Variants in GPR39 observed in about 807,000 individuals in gnomAD.
GPR39 encodes the protein zinc sensing receptor.
A neutral mutation model predicts 18.4 loss-of-function variants in GPR39; 23 were observed. That is an observed-to-expected ratio of 1.25 (90% CI 0.90 to 1.77). The LOEUF (loss-of-function observed/expected upper bound fraction) is 1.77. Ranked by LOEUF, GPR39 falls within the 40% of genes most tolerant of loss-of-function variation. The pLI, the probability that GPR39 is intolerant of heterozygous loss-of-function variation, is 0.00. For synonymous variants in GPR39, 280 were observed against 257.9 expected, an observed-to-expected ratio of 1.09 and a Z score of -0.82; for missense variants, 647 against 602.4, an observed-to-expected ratio of 1.07 and a Z score of -0.78.
intron 1 of GPR39, among the ~76,000 whole-genome samples, chr2:132,523,156 C>G (rs1463836775): frequency 1.3e-5 from 2 of 152,162 alleles, no homozygotes; most frequent in African/African-American, 4.8e-5. Context: ...ATTTCACAAA[C>G]CAGACATTAC....
At chr2:132,488,379 C>G (rs1224369095) in intron 1 of GPR39, among the ~76,000 whole-genome samples, 2 of 152,094 alleles carry the variant, frequency 1.3e-5, no homozygotes, top group African/African-American at 4.8e-5. Flanking sequence ...AAAAAAAAAC[C>G]CTTGCTGCAT....
intron 1 of GPR39, among the ~76,000 whole-genome samples, chr2:132,642,306 A>G (rs1050090068): frequency 3.9e-5 from 6 of 152,136 alleles, no homozygotes; most frequent in African/African-American, 1.4e-4. Flanking sequence ...TTGCCTCATC[A>G]TTGTGACTCT....
intron 1 of GPR39, among the ~76,000 whole-genome samples, chr2:132,594,519 A>T (rs1026153900): frequency 2.0e-5 from 3 of 152,028 alleles, no homozygotes; most frequent in Non-Finnish European, 2.9e-5. Context: ...GACACATAGT[A>T]AATGTTCACT....
At chr2:132,572,842 G>C (rs1680464561) in intron 1 of GPR39, among the ~76,000 whole-genome samples, 1 of 152,164 alleles carries the variant, frequency 6.6e-6, no homozygotes, top group Non-Finnish European at 1.5e-5. Context: ...GTCTTTCTTG[G>C]ACCATTTTAT....
chr2:132,611,343 A>G (rs10496689), intron 1 of GPR39, among the ~76,000 whole-genome samples: 26,737 of 152,138 alleles, frequency 0.18, 2,485 homozygotes, highest in Admixed American at 0.23. Context: ...GTGAAGATTA[A>G]TGGCCAAGTT....
chr2:132,489,931 T>TC (rs1342367765), intron 1 of GPR39, among the ~76,000 whole-genome samples: 7 of 151,886 alleles, frequency 4.6e-5, no homozygotes, highest in African/African-American at 1.7e-4. Context: ...GCCCAGGAGC[T>TC]TGCAGGCAGA....
chr2:132,531,461 C>T (rs1679628796), intron 1 of GPR39, among the ~76,000 whole-genome samples: 1 of 152,176 alleles, frequency 6.6e-6, no homozygotes, highest in Non-Finnish European at 1.5e-5. Flanking sequence ...AGAAAGTTAA[C>T]AAGGATATCC....
At chr2:132,538,376 G>A (rs72848746) in intron 1 of GPR39, among the ~76,000 whole-genome samples, 4 of 152,154 alleles carry the variant, frequency 2.6e-5, no homozygotes, top group African/African-American at 9.6e-5. Flanking sequence ...GTCACCAGTG[G>A]AGGCTACAGA....
intron 1 of GPR39, among the ~76,000 whole-genome samples, chr2:132,496,720 A>G (rs1213226246): frequency 6.6e-6 from 1 of 152,222 alleles, no homozygotes; most frequent in Non-Finnish European, 1.5e-5. Context: ...CATCAACTCC[A>G]CTTTCCCCCA....
intron 1 of GPR39, among the ~76,000 whole-genome samples, chr2:132,505,939 A>G (rs944455321): frequency 6.6e-6 from 1 of 152,200 alleles, no homozygotes; most frequent in African/African-American, 2.4e-5. Flanking sequence ...GATGGATCAT[A>G]TGGTAGTTCT....
intron 1 of GPR39, among the ~76,000 whole-genome samples, chr2:132,640,876 C>G (rs1681845183): frequency 6.6e-6 from 1 of 152,030 alleles, no homozygotes; most frequent in Non-Finnish European, 1.5e-5. Context: ...TAAAAATGAG[C>G]AATTACTTGT....
At chr2:132,430,915 CTT>C (rs1680214477) in intron 1 of GPR39, among the ~76,000 whole-genome samples, 1 of 152,162 alleles carries the variant, frequency 6.6e-6, no homozygotes, top group South Asian at 2.1e-4. Flanking sequence ...TCTATTCTCT[CTT>C]ATATCCCTGG....
rs557113477 is a variant in GPR39, at chr2:132,571,962, T to C, written c.857-73139T>C. 5.9e-5 allele frequency among the ~76,000 whole-genome samples: 9 copies of C among 152,262 alleles called. No homozygotes were observed. The South Asian group carries it at 8.3e-4, about 14-fold the overall frequency. ...TCTTGAGGAATGGGCTCAGTTTCTA[T>C]GACCTCAGCCTGGGCAAGCTACAAA... On this transcript the variant is annotated intron_variant, in intron 1 of 1. Coordinates refer to ENST00000329321, the MANE Select transcript of GPR39 (RefSeq NM_001508.3).
At chr2:132,421,476 TAAAAG>T (rs1237141066) in intron 1 of GPR39, among the ~76,000 whole-genome samples, 1 of 152,170 alleles carries the variant, frequency 6.6e-6, no homozygotes, top group East Asian at 1.9e-4. Flanking sequence ...GGTTATTAAA[TAAAAG>T]AAACATCATA....
At chr2:132,532,424 G>A (rs575848492) in intron 1 of GPR39, among the ~76,000 whole-genome samples, 1 of 152,248 alleles carries the variant, frequency 6.6e-6, no homozygotes, top group South Asian at 2.1e-4. Flanking sequence ...GTACAAGGAG[G>A]AAGTGGTACC....
intron 1 of GPR39, among the ~76,000 whole-genome samples, chr2:132,509,188 G>A (rs1321334276): frequency 6.6e-6 from 1 of 152,190 alleles, no homozygotes; most frequent in Non-Finnish European, 1.5e-5. Context: ...TATGCAATCA[G>A]TCTCTCACTC....
At chr2:132,546,813 T>C (rs1232618536) in intron 1 of GPR39, among the ~76,000 whole-genome samples, 1 of 131,804 alleles carries the variant, frequency 7.6e-6, no homozygotes, top group Non-Finnish European at 1.5e-5. Context: ...AGAGCTGTTG[T>C]TCTCCAGGAT....
intron 1 of GPR39, among the ~76,000 whole-genome samples, chr2:132,600,890 T>C (rs189856310): frequency 6.6e-6 from 1 of 152,320 alleles, no homozygotes; most frequent in African/African-American, 2.4e-5. Context: ...GTACCTGTCA[T>C]CTGAATACTA....
chr2:132,519,511 A>G (rs1166737845), intron 1 of GPR39, among the ~76,000 whole-genome samples: 1 of 152,184 alleles, frequency 6.6e-6, no homozygotes, highest in Non-Finnish European at 1.5e-5. Flanking sequence ...GTAAATGTTT[A>G]ATAGGAATTC....
Sources: allele counts gnomAD v4.1 joint callset (sites outside exome capture counted in the v4.1 genomes callset), GRCh38; gene constraint gnomAD v4.1.1; transcripts MANE v1.5; gene names NCBI Gene and HGNC (gene_info 2026-07-23, HGNC 2026-07-21).